The following SIGLEC6 variants were observed in gnomAD, a reference collection of about 807,000 sequenced individuals.
SIGLEC6 encodes sialic acid binding Ig like lectin 6.
SIGLEC6 carries 31 observed loss-of-function variants against 41.4 expected under a neutral mutation model. The observed-to-expected ratio is 0.75, with a 90% confidence interval of 0.56 to 1.01. The LOEUF (loss-of-function observed/expected upper bound fraction) is 1.01. SIGLEC6 is among the 50% of genes least tolerant of loss of function. The pLI is 0.00. For synonymous variants in SIGLEC6, 217 were observed against 231.0 expected (o/e 0.94, Z 0.55); for missense variants, 555 against 558.6 (o/e 0.99, Z 0.06).
rs770259451 is a variant in SIGLEC6, at chr19:51,520,123, C to A, written c.1321G>T (p.Val441Phe). The A allele has an allele frequency of 4.7e-5, 75 of 1,595,330 alleles. No homozygotes were observed. The highest frequency in any genetic ancestry group is 6.3e-5 in the Non-Finnish European group (74 of 1,165,804). ...FHKVQPQEPK[V>F]TDTEYSEIKI... The stretch of plus-strand genomic sequence containing the variant: ...ATTTCTGAGTACTCAGTGTCGGTGA[C>A]CTTTGGTTCCTGAGGTTGCACCTTG... The change falls in exon 8 of 8, where the codon GTC (valine) becomes TTC (phenylalanine). Residue 441 changes from valine (V) to phenylalanine (F), a missense_variant. Transcript: ENST00000425629.
chr19:51,529,600 A>T, intron 5 of SIGLEC6, 124 bp downstream of exon 5: 1 of 1,236,952 alleles, frequency 8.1e-7, no homozygotes, highest in African/African-American at 1.5e-5. Context: ...CAGAGGTAGG[A>T]GGGTCCCAGC....
chr19:51,520,285 C>A (rs753970398), intron 7 of SIGLEC6, 30 bp from the exon 8 acceptor site: 8 of 1,506,432 alleles, frequency 5.3e-6, no homozygotes, highest in East Asian at 4.6e-5. Flanking sequence ...AGATTCAGGG[C>A]TGGACAATAG....
intron 7 of SIGLEC6, among the ~76,000 whole-genome samples, chr19:51,523,556 C>T (rs1978657158): frequency 6.6e-6 from 1 of 152,074 alleles, no homozygotes; most frequent in Non-Finnish European, 1.5e-5. Context: ...AGAAATGTGC[C>T]CTAGGGAAGC....
chr19:51,530,050 C>T (rs1461072981), intron 4 of SIGLEC6, 69 bp from the exon 5 acceptor site: 3 of 1,505,770 alleles, frequency 2.0e-6, no homozygotes, highest in African/African-American at 2.8e-5. Context: ...CCCTCTCCTC[C>T]TGTGGGGTCC....
At chr19:51,522,219 G>A (rs2168643) in intron 7 of SIGLEC6, among the ~76,000 whole-genome samples, 107,704 of 152,196 alleles carry the variant, frequency 0.71, 38,489 homozygotes, top group Admixed American at 0.78. Context: ...AACTCACCCT[G>A]CCAAAGCTTT....
At chr19:51,528,371 T>C (rs1979595399) in intron 5 of SIGLEC6, 118 bp from the exon 6 acceptor site, 4 of 819,014 alleles carry the variant, frequency 4.9e-6, no homozygotes, top group Non-Finnish European at 6.1e-6. Flanking sequence ...TCACTCACCA[T>C]TTCACTGCCC....
chr19:51,526,103 G>T (rs1979181734), intron 7 of SIGLEC6, among the ~76,000 whole-genome samples: 1 of 152,160 alleles, frequency 6.6e-6, no homozygotes, highest in South Asian at 2.1e-4. Context: ...CAGCAGCTCT[G>T]CATTCCTCTA....
At position 51,520,369 on chromosome 19, in the gene SIGLEC6, ATTATTTTATTTTATTTCATT is replaced by A. The variant is rs1990826340; in HGVS notation, c.1189-134_1189-115del. 7 of 563,010 alleles carry A rather than the reference ATTATTTTATTTTATTTCATT, an allele frequency of 1.2e-5. No individual in the cohort carries two copies. In the Admixed American group the frequency reaches 1.8e-4, roughly 15 times the overall value. 34.9% of individuals were successfully genotyped at this position (563,010 alleles called of 1,614,324 possible). On this transcript the variant is annotated intron_variant, in intron 7 of 7. Coordinates refer to ENST00000425629, the MANE Select transcript of SIGLEC6 (RefSeq NM_001245.7). ...AACTTTATTATTTATCCATTCATTT[ATTATTTTATTTTATTTCATT>A]TTATTTTATTTTATTTTTGAGATGG...
At chr19:51,528,437 A>G in intron 5 of SIGLEC6, 184 bp from the exon 6 acceptor site, 1 of 606,204 alleles carries the variant, frequency 1.6e-6, no homozygotes, top group Non-Finnish European at 3.0e-6. Context: ...CCCCAACTGC[A>G]AGACTGAGGA....
Position 51,517,900 on chromosome 19 carries a change from A to G in SIGLEC6, c.*2182T>C, listed in dbSNP as rs1417887128. The stretch of plus-strand genomic sequence containing the variant: ...ATAAATTCTATTTACACTCTTCTGA[A>G]CTTTATGTTATTATAGTTTCTGGGC... On this transcript the variant is annotated 3_prime_UTR_variant, in exon 8 of 8. Coordinates refer to ENST00000425629, the MANE Select transcript of SIGLEC6 (RefSeq NM_001245.7). 6.6e-6 allele frequency among the ~76,000 whole-genome samples: 1 copy of G among 152,148 alleles called. No individual in the cohort carries two copies. The highest frequency in any genetic ancestry group is 2.4e-5 in the African/African-American group (1 of 41,428).
intron 7 of SIGLEC6, among the ~76,000 whole-genome samples, chr19:51,522,952 A>G (rs1316718309): frequency 6.6e-6 from 1 of 152,190 alleles, no homozygotes; most frequent in African/African-American, 2.4e-5. Flanking sequence ...CCTGGGCAAC[A>G]TGGTGAGACC....
rs765487804 is a variant in SIGLEC6, at chr19:51,531,349, C to G, written c.238G>C (p.Asp80His). 1.9e-6 allele frequency: 3 copies of G among 1,614,020 alleles called. No individual in the cohort carries two copies. In the African/African-American group the frequency reaches 4.0e-5, roughly 22 times the overall value. The change falls in exon 2 of 8, where the codon GAC becomes CAC. Residue 80 changes from aspartate (D) to histidine (H), a missense_variant. Coordinates refer to ENST00000425629, the MANE Select transcript of SIGLEC6 (RefSeq NM_001245.7). ...TCCTCCTGCACTTCTTCGTCTGGGT[C>G]GTTTGTGGCCACTGGAACATCAGCC... ...EGADVPVATN[D>H]PDEEVQEETR...
chr19:51,528,413 A>G (rs1979605327), intron 5 of SIGLEC6, 160 bp from the exon 6 acceptor site: 1 of 640,562 alleles, frequency 1.6e-6, no homozygotes, highest in Non-Finnish European at 2.8e-6. Context: ...TTCTCTCTCC[A>G]TGACTCCCCC....
intron 5 of SIGLEC6, 89 bp from the exon 6 acceptor site, chr19:51,528,342 A>C: frequency 9.3e-7 from 1 of 1,077,582 alleles, no homozygotes; most frequent in Non-Finnish European, 1.4e-6. Flanking sequence ...TAATGTGACC[A>C]CCCCCATCCA....
chr19:51,530,055 G>A lies in SIGLEC6; in HGVS notation c.755-74C>T, dbSNP rs557682524. ...GCACTGGTGTCCCTCTCCTCCTGTG[G>A]GGTCCACACTAGCTCTGAGGAGGAG... On this transcript the variant is annotated intron_variant, in intron 4 of 7. Transcript: ENST00000425629. 2.5e-5 allele frequency: 38 copies of A among 1,496,198 alleles called. No individual in the cohort carries two copies. In the African/African-American group the frequency reaches 5.0e-4, roughly 20 times the overall value. The allele number at this position is 1,496,198 out of a possible 1,614,324, so 92.7% of individuals were successfully genotyped here.
At chr19:51,524,484 T>C (rs568695856) in intron 7 of SIGLEC6, among the ~76,000 whole-genome samples, 16 of 152,256 alleles carry the variant, frequency 1.1e-4, no homozygotes, top group African/African-American at 3.6e-4. Flanking sequence ...ACAAAATAAA[T>C]TGTAAAAATA....
chr19:51,528,041 C>G (rs1979529591), intron 6 of SIGLEC6, 119 bp downstream of exon 6: 2 of 991,738 alleles, frequency 2.0e-6, no homozygotes, highest in East Asian at 5.1e-5. Context: ...CCCTCCCTTT[C>G]CTCACTCTCG....
chr19:51,527,012 A>G (rs879898723), intron 7 of SIGLEC6, among the ~76,000 whole-genome samples: 1 of 152,238 alleles, frequency 6.6e-6, no homozygotes, highest in Non-Finnish European at 1.5e-5. Flanking sequence ...AATTTTAGAA[A>G]TGAACAAAAC....
At chr19:51,520,883 C>T (rs538833535) in intron 7 of SIGLEC6, among the ~76,000 whole-genome samples, 1 of 152,208 alleles carries the variant, frequency 6.6e-6, no homozygotes, top group Non-Finnish European at 1.5e-5. Flanking sequence ...CTGAGAAGGA[C>T]TCAGAACCAG....
Sources: gnomAD v4.1 joint callset for allele counts (sites outside exome capture counted in the v4.1 genomes callset) on GRCh38, gnomAD v4.1.1 for gene constraint, MANE v1.5 for transcripts, NCBI Gene and HGNC (gene_info 2026-07-23, HGNC 2026-07-21) for gene names.